Variants in CR1 observed in about 807,000 individuals in gnomAD.
The protein encoded by CR1 is complement C3b/C4b receptor 1 (Knops blood group).
In CR1, 116 loss-of-function variants were observed where a neutral mutation model predicts 187.3. The ratio of observed to expected loss-of-function variants is 0.62; its 90% CI spans 0.53 to 0.72. The LOEUF (loss-of-function observed/expected upper bound fraction) is 0.72. Among genes scored for constraint, CR1 ranks in the 30% least tolerant of loss-of-function variants. The probability of loss-of-function intolerance (pLI) is 0.00; values close to 1 mark genes in which losing one functional copy is unlikely to be tolerated. For missense variants in CR1, 1,731 were observed against 2,110.7 expected (o/e 0.82, Z 3.52); for synonymous variants, 576 against 747.1 (o/e 0.77, Z 3.73).
chr1:207,589,752 C>A lies in CR1; in HGVS notation c.5810+978C>A, dbSNP rs536092053. ...TTAGAGGAATTACTAACTAGAATAA[C>A]CAGTTTAGAAAAGAACATAAATGAC... On this transcript the variant is annotated intron_variant, in intron 35 of 46. Transcript: ENST00000367049. 1.8e-4 allele frequency among the ~76,000 whole-genome samples: 28 copies of A among 152,236 alleles called. No individual in the cohort carries two copies. In the South Asian group the frequency reaches 5.2e-3, roughly 28 times the overall value.
chr1:207,584,718 C>T lies in CR1; in HGVS notation c.5372C>T (p.Pro1791Leu), dbSNP rs776215792. 6.2e-7 allele frequency: 1 copy of T among 1,613,736 alleles called. No individual in the cohort carries two copies. Among genetic ancestry groups the T allele is most frequent in the East Asian group, 2.2e-5 (1 of 44,878 alleles). ...ACAGGAACTCCCTCTGGAGATATTC[C>T]CTATGGAAAAGAAATATCTTACACA... ...RHTGTPSGDIPYGKEISYTCD... is the reference protein window; with the variant it reads ...RHTGTPSGDILYGKEISYTCD... Residue 1791 changes from proline (P) to leucine (L), a missense_variant, in exon 33 of 47, where the codon CCC (proline) becomes CTC (leucine). By Grantham distance (98) the Pro-to-Leu change is moderately conservative (BLOSUM62 -3). Coordinates refer to ENST00000367049, the MANE Select transcript of CR1 (RefSeq NM_000651.6).
chr1:207,616,743 C>T lies in CR1; in HGVS notation c.6830C>T (p.Pro2277Leu). 6.2e-7 allele frequency: 1 copy of T among 1,613,814 alleles called. No individual in the cohort carries two copies. Among genetic ancestry groups the T allele is most frequent in the South Asian group, 1.1e-5 (1 of 91,064 alleles). Residue 2277 changes from proline to leucine, a missense_variant, in exon 41 of 47, where the codon CCT (proline) becomes CTT (leucine). Around this residue, in one of 5 missense-constraint regions of CR1, gnomAD observed 1,312 missense variants for 1,379.6 expected, o/e 0.95. Transcript: ENST00000367049. Reference protein sequence around the residue: ...GESSIRCTSDPQGNGVWSSPA... With the variant: ...GESSIRCTSDLQGNGVWSSPA... Reference sequence around the variant, plus strand: ...AGCTCCATCCGCTGCACAAGTGACCCTCAAGGGAATGGGGTTTGGAGCAGC... The same window carrying T: ...AGCTCCATCCGCTGCACAAGTGACCTTCAAGGGAATGGGGTTTGGAGCAGC...
rs779501341 is a variant in CR1, at chr1:207,523,675, T to A, written c.552T>A (p.Asn184Lys). Residue 184 changes from asparagine to lysine, a missense_variant, in exon 5 of 47, where the codon AAT (asparagine) becomes AAA (lysine). Physicochemically the swap from Asn to Lys is moderately conservative, Grantham distance 94. Coordinates refer to ENST00000367049, the MANE Select transcript of CR1 (RefSeq NM_000651.6). ...NGDFISTNRENFHYGSVVTYR... is the reference protein window; with the variant it reads ...NGDFISTNREKFHYGSVVTYR... ...ATTTCATTAGCACCAACAGAGAGAA[T>A]TTTCACTATGGATCAGTGGTGACCT... 3 of 1,613,774 alleles carry A rather than the reference T, an allele frequency of 1.9e-6. No homozygotes were observed. Among genetic ancestry groups the A allele is most frequent in the Non-Finnish European group, 2.5e-6 (3 of 1,179,876 alleles).
chr1:207,624,445 G>A (rs1333063165), intron 45 of CR1, among the ~76,000 whole-genome samples: 1 of 152,060 alleles, frequency 6.6e-6, no homozygotes, highest in Non-Finnish European at 1.5e-5. Flanking sequence ...TTAAGTGAAC[G>A]GTTTTCTATA....
chr1:207,614,563 T>C, intron 40 of CR1, 74 bp downstream of exon 40: 1 of 1,158,190 alleles, frequency 8.6e-7, no homozygotes, highest in Non-Finnish European at 1.3e-6. Flanking sequence ...CCGCATGGCA[T>C]CACCTGTTGT....
Position 207,567,224 on chromosome 1 carries a change from C to G in CR1, c.3953-600C>G, listed in dbSNP as rs540635639. Among the ~76,000 whole-genome samples the G allele has an allele frequency of 2.7e-5, 4 of 148,088 alleles. No individual in the cohort carries two copies. In the South Asian group the frequency reaches 8.4e-4, roughly 31 times the overall value. On this transcript the variant is annotated intron_variant, in intron 24 of 46. Transcript: ENST00000367049. ...AAGAGAAAATAAATCATCAACAGAC[C>G]TAGACATTTTCAAAAGCAAAGCCAT...
At chr1:207,612,859 G>T (rs1661975605) in intron 39 of CR1, among the ~76,000 whole-genome samples, 1 of 152,230 alleles carries the variant, frequency 6.6e-6, no homozygotes, top group South Asian at 2.1e-4. Flanking sequence ...CCAAACAGGG[G>T]TGCCCATGAC....
chr1:207,585,127 G>A (rs1272818239), intron 33 of CR1, among the ~76,000 whole-genome samples: 2 of 152,112 alleles, frequency 1.3e-5, no homozygotes, highest in Non-Finnish European at 2.9e-5. Context: ...GGGAGGGGTG[G>A]AGGGAAGGCA....
At chr1:207,605,684 G>A (rs1207727694) in intron 35 of CR1, among the ~76,000 whole-genome samples, 1 of 152,126 alleles carries the variant, frequency 6.6e-6, no homozygotes, top group Non-Finnish European at 1.5e-5. Context: ...TGTATGATAG[G>A]AGACAGGCAG....
At chr1:207,605,231 G>A (rs1661711607) in intron 35 of CR1, among the ~76,000 whole-genome samples, 2 of 146,566 alleles carry the variant, frequency 1.4e-5, no homozygotes, top group Admixed American at 1.4e-4. Context: ...CTGCACTCCA[G>A]CCTGGGTGAT....
chr1:207,608,922 C>G (rs1330236591), intron 36 of CR1, among the ~76,000 whole-genome samples: 1 of 151,826 alleles, frequency 6.6e-6, no homozygotes, highest in Non-Finnish European at 1.5e-5. Context: ...ATAAATAATG[C>G]CAGAAGTGGT....
intron 45 of CR1, 112 bp from the exon 46 acceptor site, chr1:207,630,405 G>A (rs1662603542): frequency 3.2e-6 from 2 of 629,906 alleles, no homozygotes; most frequent in Non-Finnish European, 5.2e-6. Context: ...AAAGATATCA[G>A]GAACTTAAGG....
chr1:207,635,248 G>A (rs547955243), intron 46 of CR1, among the ~76,000 whole-genome samples: 23 of 152,126 alleles, frequency 1.5e-4, no homozygotes, highest in Admixed American at 1.2e-3. Context: ...TTCAGCATAC[G>A]GAGGATCCAC....
intron 4 of CR1, among the ~76,000 whole-genome samples, chr1:207,516,109 C>A (rs1186257884): frequency 1.3e-5 from 2 of 152,116 alleles, no homozygotes; most frequent in African/African-American, 4.8e-5. Flanking sequence ...GTAGTCCCAG[C>A]TACTTGGGAG....
intron 4 of CR1, among the ~76,000 whole-genome samples, chr1:207,523,095 G>T (rs1334101262): frequency 6.6e-6 from 1 of 152,026 alleles, no homozygotes; most frequent in Non-Finnish European, 1.5e-5. Flanking sequence ...ATATCATTTA[G>T]ATTTTCAAAA....
chr1:207,583,581 A>G (rs1192501134), intron 32 of CR1, among the ~76,000 whole-genome samples: 3 of 152,242 alleles, frequency 2.0e-5, no homozygotes, highest in African/African-American at 7.2e-5. Flanking sequence ...CACTAAATCA[A>G]TCAGGGTATT....
At chr1:207,636,733 T>G (rs1662826718) in intron 46 of CR1, among the ~76,000 whole-genome samples, 1 of 152,208 alleles carries the variant, frequency 6.6e-6, no homozygotes, top group African/African-American at 2.4e-5. Flanking sequence ...AATGAATCTT[T>G]TGGATCTATT....
At chr1:207,500,476 G>T (rs1387920631) in intron 1 of CR1, among the ~76,000 whole-genome samples, 1 of 152,116 alleles carries the variant, frequency 6.6e-6, no homozygotes, top group African/African-American at 2.4e-5. Flanking sequence ...TGTTAATTGT[G>T]CATATAGCAC....
intron 41 of CR1, among the ~76,000 whole-genome samples, chr1:207,617,835 C>T (rs955913180): frequency 6.6e-6 from 1 of 151,406 alleles, no homozygotes; most frequent in South Asian, 2.1e-4. Context: ...GTGGTACTCC[C>T]CCATCTGATC....
Sources: gnomAD v4.1 joint callset for allele counts (sites outside exome capture counted in the v4.1 genomes callset) on GRCh38, gnomAD v4.1.1 for gene constraint, gnomAD v4.1.1 regional missense constraint, MANE v1.5 for transcripts, NCBI Gene and HGNC (gene_info 2026-07-23, HGNC 2026-07-21) for gene names.